The following SLC44A5 variants were observed in gnomAD, a reference collection of about 807,000 sequenced individuals.
The protein encoded by SLC44A5 is choline transporter-like protein 5.
In SLC44A5, 57 loss-of-function variants were observed where a neutral mutation model predicts 101.8. The observed-to-expected ratio is 0.56, with a 90% CI of 0.45 to 0.70. SLC44A5 has a LOEUF of 0.70. Ranked by LOEUF, SLC44A5 falls within the 30% of genes least tolerant of loss-of-function variation. The pLI, the probability that SLC44A5 is intolerant of heterozygous loss-of-function variation, is 0.00. For synonymous variants in SLC44A5, 281 were observed against 290.9 expected, an observed-to-expected ratio of 0.97 and a Z score of 0.35; for missense variants, 737 against 853.1, an observed-to-expected ratio of 0.86 and a Z score of 1.70.
At chr1:75,327,775 A>T (rs575097530) in intron 4 of SLC44A5, among the ~76,000 whole-genome samples, 318 of 152,346 alleles carry the variant, frequency 2.1e-3, no homozygotes, top group Non-Finnish European at 3.4e-3. Context: ...CACAGGTCTA[A>T]CTAGAAAATG....
At chr1:75,529,853 T>C (rs1429741129) in intron 2 of SLC44A5, among the ~76,000 whole-genome samples, 1 of 152,138 alleles carries the variant, frequency 6.6e-6, no homozygotes, top group East Asian at 1.9e-4. Flanking sequence ...CTTCATTCCC[T>C]CCTTTTCAAA....
chr1:75,324,761 G>A (rs1250294355), intron 4 of SLC44A5, among the ~76,000 whole-genome samples: 1 of 152,104 alleles, frequency 6.6e-6, no homozygotes, highest in Middle Eastern at 3.2e-3. Flanking sequence ...AGTGCATTGT[G>A]TCAATATTTC....
chr1:75,254,050 T>C (rs1649804410), intron 6 of SLC44A5, among the ~76,000 whole-genome samples: 1 of 152,134 alleles, frequency 6.6e-6, no homozygotes, highest in Non-Finnish European at 1.5e-5. Flanking sequence ...CAACTTTTTT[T>C]TTTTTTAGAC....
chr1:75,571,555 C>CA (rs201550759), intron 1 of SLC44A5, among the ~76,000 whole-genome samples: 17 of 150,038 alleles, frequency 1.1e-4, no homozygotes, highest in South Asian at 6.3e-4. Context: ...GCACAGTATT[C>CA]AAAAAAAAAC....
chr1:75,386,649 G>C (rs1214420132), intron 3 of SLC44A5, among the ~76,000 whole-genome samples: 2 of 152,118 alleles, frequency 1.3e-5, no homozygotes, highest in South Asian at 2.1e-4. Context: ...GTAATTTACA[G>C]ATTCAATGCC....
At chr1:75,684,770 G>C in the SLC44A5 span, among the ~76,000 whole-genome samples, 2 of 152,166 alleles carry the variant, frequency 1.3e-5, no homozygotes, top group Non-Finnish European at 1.5e-5. Flanking sequence ...TTGAGTGTCT[G>C]CAGGTTTTCC....
rs1399197035 is a variant in SLC44A5, at chr1:75,380,616, T to C, written c.52+15967A>G. Among the ~76,000 whole-genome samples the C allele has an allele frequency of 2.4e-5, 2 of 82,554 alleles. 1 individual carries two copies. The highest frequency in any genetic ancestry group is 1.6e-4 in the African/African-American group (2 of 12,648). The allele number at this position is 82,554 out of a possible 152,430, so 54.2% of individuals were successfully genotyped here. ...TAATTTGGTGGAAAGATAATAAAAA[T>C]AAGACATGGGAAATAGGTAAGGTGA... On this transcript the variant is annotated intron_variant, in intron 3 of 23. Transcript: ENST00000370859.
chr1:75,664,835 G>A, the SLC44A5 span, among the ~76,000 whole-genome samples: 1 of 151,424 alleles, frequency 6.6e-6, no homozygotes, highest in African/African-American at 2.4e-5. Context: ...GCAGGAGAAT[G>A]GTGTGAACCT....
intron 1 of SLC44A5, among the ~76,000 whole-genome samples, chr1:75,599,982 C>T (rs1420147451): frequency 6.6e-6 from 1 of 152,106 alleles, no homozygotes; most frequent in Non-Finnish European, 1.5e-5. Flanking sequence ...TCAGGAGTGT[C>T]ATAAGTGCAG....
At chr1:75,685,394 T>C in the SLC44A5 span, among the ~76,000 whole-genome samples, 3 of 152,218 alleles carry the variant, frequency 2.0e-5, no homozygotes, top group Non-Finnish European at 2.9e-5. Flanking sequence ...TTCTTTTATA[T>C]TGCATAATCA....
chr1:75,714,209 A>G, the SLC44A5 span, among the ~76,000 whole-genome samples: 1 of 152,224 alleles, frequency 6.6e-6, no homozygotes, highest in Non-Finnish European at 1.5e-5. Context: ...TATCCCTGGG[A>G]TAAAAGGTTG....
At chr1:75,689,779 G>T in the SLC44A5 span, among the ~76,000 whole-genome samples, 38 of 152,206 alleles carry the variant, frequency 2.5e-4, no homozygotes, top group Non-Finnish European at 4.6e-4. Context: ...GTGTGATCTG[G>T]TTCCTACATT....
At chr1:75,619,917 TG>T in the SLC44A5 span, among the ~76,000 whole-genome samples, 2 of 152,198 alleles carry the variant, frequency 1.3e-5, no homozygotes, top group African/African-American at 2.4e-5. Flanking sequence ...CGTGCCATGG[TG>T]GTTTGCTGCA....
intron 2 of SLC44A5, among the ~76,000 whole-genome samples, chr1:75,411,667 T>TA (rs1663288588): frequency 6.6e-6 from 1 of 151,836 alleles, no homozygotes; most frequent in Admixed American, 6.6e-5. Flanking sequence ...CAATGAAAAA[T>TA]AAACTCTAGT....
the SLC44A5 span, among the ~76,000 whole-genome samples, chr1:75,695,189 A>G: frequency 6.6e-6 from 1 of 152,222 alleles, no homozygotes; most frequent in East Asian, 1.9e-4. Flanking sequence ...ATTAGAAATT[A>G]CAGTAGCAGA....
At chr1:75,261,746 C>A (rs1013257943) in intron 6 of SLC44A5, among the ~76,000 whole-genome samples, 1 of 152,098 alleles carries the variant, frequency 6.6e-6, no homozygotes, top group Non-Finnish European at 1.5e-5. Flanking sequence ...CCCTGATGAA[C>A]ATGGATGCGA....
chr1:75,253,676 G>A (rs943767786), intron 6 of SLC44A5, among the ~76,000 whole-genome samples: 1 of 152,128 alleles, frequency 6.6e-6, no homozygotes, highest in Non-Finnish European at 1.5e-5. Context: ...GGGTCCCTTG[G>A]GAGTATTTAA....
At chr1:75,486,492 C>CA (rs1668156052) in intron 2 of SLC44A5, among the ~76,000 whole-genome samples, 1 of 152,080 alleles carries the variant, frequency 6.6e-6, no homozygotes, top group Admixed American at 6.6e-5. Context: ...GAAGCACAAA[C>CA]AAAAGAAATG....
chr1:75,664,691 G>T, the SLC44A5 span, among the ~76,000 whole-genome samples: 21 of 152,258 alleles, frequency 1.4e-4, no homozygotes, highest in Admixed American at 1.1e-3. Flanking sequence ...GGAGGCCGAG[G>T]CAAGTGGACC....
Sources: gnomAD v4.1 joint callset for allele counts (sites outside exome capture counted in the v4.1 genomes callset) on GRCh38, gnomAD v4.1.1 for gene constraint, MANE v1.5 for transcripts, NCBI Gene and HGNC (gene_info 2026-07-23, HGNC 2026-07-21) for gene names.